The following ZNF33B variants were observed in gnomAD, a reference collection of about 807,000 sequenced individuals.
The protein encoded by ZNF33B is zinc finger protein 33B.
In ZNF33B, 29 loss-of-function variants were observed where a neutral mutation model predicts 45.8. The ratio of observed to expected loss-of-function variants is 0.63; its 90% CI spans 0.47 to 0.86. The LOEUF is 0.86. Among genes scored for constraint, ZNF33B ranks in the 40% least tolerant of loss-of-function variants. ZNF33B has a pLI of 0.00. For synonymous variants in ZNF33B, 305 were observed against 307.8 expected, an observed-to-expected ratio of 0.99 and a Z score of 0.10; for missense variants, 831 against 909.9, an observed-to-expected ratio of 0.91 and a Z score of 1.12.
At position 42,626,685 on chromosome 10, in the gene ZNF33B, C is replaced by CTAAATAAATAAA. The variant is rs34210822; in HGVS notation, c.250+5232_250+5243dup. Among the ~76,000 whole-genome samples the CTAAATAAATAAA allele has an allele frequency of 3.6e-3, 511 of 142,458 alleles. 1 individual carries two copies. Among genetic ancestry groups the CTAAATAAATAAA allele is most frequent in the Middle Eastern group, 7.1e-3 (2 of 280 alleles). The allele number at this position is 142,458 out of a possible 152,430, so 93.5% of individuals were successfully genotyped here. ...CCTGGGTGACAAAACAAGACTCCATCTAAATAAATAAATAAATAAATAAAT... is the reference window on the plus strand; with the variant it reads ...CCTGGGTGACAAAACAAGACTCCATCTAAATAAATAAATAAATAAATAAATAAATAAATAAAT... On this transcript the variant is annotated intron_variant, in intron 4 of 4. Transcript: ENST00000359467.
rs2132040828 is a variant in ZNF33B at position 42,594,115 on chromosome 10, C to T, written c.835G>A (p.Asp279Asn). Residue 279 changes from aspartate to asparagine, a missense_variant, in exon 5 of 5, where the codon GAT (aspartate) becomes AAT (asparagine). Asp to Asn is a conservative substitution (Grantham distance 23). Transcript: ENST00000359467. ...PSKDSHYEFS[D>N]CEKFLCVKST... ...TTCACACATAAGAACTTCTCACAAT[C>T]ACTAAATTCATAGTGACTGTCCTTT... 2 of 1,613,998 alleles carry T rather than the reference C, an allele frequency of 1.2e-6. No homozygotes were observed. The highest frequency in any genetic ancestry group is 4.5e-5 in the East Asian group (2 of 44,874).
At chr10:42,584,250 T>C (rs1222656091), downstream of ZNF33B, among the ~76,000 whole-genome samples, 4 of 152,170 alleles carry the variant, frequency 2.6e-5, no homozygotes, top group Non-Finnish European at 4.4e-5. Context: ...ACCAAGGAAA[T>C]TGCCAGAATG....
intron 4 of ZNF33B, among the ~76,000 whole-genome samples, chr10:42,622,565 CT>C (rs947257465): frequency 6.6e-6 from 1 of 152,180 alleles, no homozygotes; most frequent in African/African-American, 2.4e-5. Flanking sequence ...GGCGTCAATT[CT>C]ATTCACTGGG....
intron 4 of ZNF33B, among the ~76,000 whole-genome samples, chr10:42,631,053 G>T (rs368779480): frequency 1.1e-4 from 17 of 152,250 alleles, no homozygotes; most frequent in African/African-American, 4.1e-4. Context: ...CTACTCTAAT[G>T]TTGACCTCAG....
chr10:42,575,179 G>A (rs1836730071), intron 1 of ZNF33B, among the ~76,000 whole-genome samples: 3 of 152,156 alleles, frequency 2.0e-5, no homozygotes, highest in Admixed American at 2.0e-4. Context: ...CCAAAAGCTA[G>A]GACGACACAG....
intron 4 of ZNF33B, among the ~76,000 whole-genome samples, chr10:42,621,409 CAT>C (rs374907158): frequency 5.3e-5 from 8 of 151,340 alleles, no homozygotes; most frequent in Non-Finnish European, 8.9e-5. Flanking sequence ...TACACAAACA[CAT>C]ACACACACAC....
In ZNF33B at chr10:42,594,542, T is replaced by C; in HGVS notation, c.408A>G (p.Arg136=). 1 of 1,613,384 alleles carries C rather than the reference T, an allele frequency of 6.2e-7. No homozygotes were observed. The highest frequency in any genetic ancestry group is 1.1e-5 in the South Asian group (1 of 90,902). Residue 136 remains arginine, a synonymous_variant, in exon 5 of 5, where the codon AGA becomes AGG. Coordinates refer to ENST00000359467, the MANE Select transcript of ZNF33B (RefSeq NM_006955.3). The stretch of plus-strand genomic sequence containing the variant: ...GTGAGTCATACTGACAGAACATTTT[T>C]CTGGAAGGAAAAGAACTTACGTCCA... The part of the protein sequence containing the change: ...FNMDVSSFPS[R]KMFCQYDSRG...
chr10:42,591,174 T>A lies in ZNF33B; in HGVS notation c.*1439A>T. The stretch of plus-strand genomic sequence containing the variant: ...AAGTCTCTGAAGGCCCAGATCCCTG[T>A]CTGGGTACAATGAGCAATGAAATGA... On this transcript the variant is annotated 3_prime_UTR_variant, in exon 5 of 5. Transcript: ENST00000359467. 3 of 617,804 alleles carry A rather than the reference T, an allele frequency of 4.9e-6. No individual in the cohort carries two copies. Among genetic ancestry groups the A allele is most frequent in the Non-Finnish European group, 6.1e-6 (3 of 494,504 alleles). The allele number at this position is 617,804 out of a possible 1,614,324, so 38.3% of individuals were successfully genotyped here.
chr10:42,578,325 G>A (rs535916829), intron 1 of ZNF33B, among the ~76,000 whole-genome samples: 3 of 152,268 alleles, frequency 2.0e-5, no homozygotes, highest in East Asian at 1.9e-4. Context: ...TGGCTGCCTC[G>A]GCACAGCACT....
intron 4 of ZNF33B, among the ~76,000 whole-genome samples, chr10:42,608,079 C>T (rs1837941127): frequency 6.6e-6 from 1 of 152,020 alleles, no homozygotes. Flanking sequence ...TACACTTTAA[C>T]ACAAAAATTT....
In ZNF33B at chr10:42,593,747, T is replaced by A. The variant is rs1284560605; in HGVS notation, c.1203A>T (p.Thr401=). 6.2e-7 allele frequency: 1 copy of A among 1,613,644 alleles called. No homozygotes were observed. The highest frequency in any genetic ancestry group is 1.7e-5 in the Admixed American group (1 of 59,982). ...GKAFSHKSAL[T]LHQRTHTGEK... is the part of the protein sequence containing the mutation. The stretch of plus-strand genomic sequence containing the variant: ...CCCCTGTATGTGTTCTCTGGTGTAA[T>A]GTGAGGGCTGACTTATGGCTAAAGG... Residue 401 remains threonine, a synonymous_variant, in exon 5 of 5, where the codon ACA becomes ACT. Coordinates refer to ENST00000359467, the MANE Select transcript of ZNF33B (RefSeq NM_006955.3).
At chr10:42,629,336 G>T (rs1838948385) in intron 4 of ZNF33B, among the ~76,000 whole-genome samples, 1 of 152,024 alleles carries the variant, frequency 6.6e-6, no homozygotes, top group Non-Finnish European at 1.5e-5. Flanking sequence ...GATGGTTAAA[G>T]GGTACAAAAA....
chr10:42,602,072 C>G (rs188368037), intron 4 of ZNF33B, among the ~76,000 whole-genome samples: 99 of 151,942 alleles, frequency 6.5e-4, no homozygotes, highest in African/African-American at 2.2e-3. Context: ...GCATGCACCA[C>G]CACACCCAGC....
chr10:42,575,406 G>A (rs1004705379), intron 1 of ZNF33B, among the ~76,000 whole-genome samples: 24 of 152,144 alleles, frequency 1.6e-4, no homozygotes, highest in Non-Finnish European at 3.2e-4. Context: ...AAGCATCAGA[G>A]GGAACCTGGC....
At chr10:42,601,337 T>A (rs1316524490) in intron 4 of ZNF33B, among the ~76,000 whole-genome samples, 1 of 152,132 alleles carries the variant, frequency 6.6e-6, no homozygotes, top group Non-Finnish European at 1.5e-5. Context: ...CCAACACATT[T>A]GGAAATTTTT....
At position 42,592,274 on chromosome 10, in the gene ZNF33B, C is replaced by T. The variant is rs1837160184; in HGVS notation, c.*339G>A. On this transcript the variant is annotated 3_prime_UTR_variant, in exon 5 of 5. Transcript: ENST00000359467. ...ATTTTATTTCTAAGCAAAATTTTCA[C>T]TTTAGATTTCTTAAATTGACAATTT... 6.5e-6 allele frequency: 3 copies of T among 459,128 alleles called. No homozygotes were observed. The highest frequency in any genetic ancestry group is 1.9e-4 in the South Asian group (2 of 10,670). 28.4% of individuals were successfully genotyped at this position (459,128 alleles called of 1,614,324 possible). A position where few individuals can be genotyped will look rare whatever the true frequency, so the allele number is the denominator to read the frequency against.
chr10:42,597,232 G>T (rs999193495), intron 4 of ZNF33B, among the ~76,000 whole-genome samples: 3 of 151,652 alleles, frequency 2.0e-5, no homozygotes, highest in Non-Finnish European at 4.4e-5. Flanking sequence ...CATAATTGAT[G>T]GGGCCAGTGC....
intron 1 of ZNF33B, among the ~76,000 whole-genome samples, chr10:42,577,419 CT>C (rs951011813): frequency 6.6e-6 from 1 of 152,210 alleles, no homozygotes; most frequent in African/African-American, 2.4e-5. Flanking sequence ...TCCTTCTCCC[CT>C]GTGACCTCCT....
chr10:42,631,958 T>C lies in ZNF33B; in HGVS notation c.221A>G (p.Glu74Gly), dbSNP rs1179263048. Residue 74 changes from glutamate to glycine, a missense_variant, in exon 4 of 5, where the codon GAG (glutamate) becomes GGG (glycine). Transcript: ENST00000359467. ...AAAGCTCTGGCTTGGGAATTCTTCC[T>C]CCAGTCTCCATGGTTCTTCTCCTTG... The part of the protein sequence containing the change: ...LEQGEEPWRL[E>G]EEFPSQSFPE... 1 of 1,614,128 alleles carries C rather than the reference T, an allele frequency of 6.2e-7. No homozygotes were observed. The highest frequency in any genetic ancestry group is 2.2e-5 in the East Asian group (1 of 44,858).
Sources: allele counts gnomAD v4.1 joint callset (sites outside exome capture counted in the v4.1 genomes callset), GRCh38; gene constraint gnomAD v4.1.1; transcripts MANE v1.5; gene names NCBI Gene and HGNC (gene_info 2026-07-23, HGNC 2026-07-21).